ANKRD30A: variants seen among roughly 807,000 people sequenced by gnomAD.
ANKRD30A encodes the protein ankyrin repeat domain 30A.
In ANKRD30A, 170 loss-of-function variants were observed where a neutral mutation model predicts 166.3. That is an observed-to-expected ratio of 1.02 (90% confidence interval 0.90 to 1.16). ANKRD30A has a LOEUF of 1.16. ANKRD30A is among the 50% of genes most tolerant of loss of function. The pLI is 0.00. For missense variants in ANKRD30A, 1,630 were observed against 1,518.0 expected, an observed-to-expected ratio of 1.07 and a Z score of -1.23; for synonymous variants, 564 against 508.9, an observed-to-expected ratio of 1.11 and a Z score of -1.46.
At chr10:37,239,828 G>T in the ANKRD30A span, among the ~76,000 whole-genome samples, 1 of 151,996 alleles carries the variant, frequency 6.6e-6, no homozygotes, top group Non-Finnish European at 1.5e-5. Context: ...TCTCATGTTA[G>T]GTATAGTCTC....
At chr10:37,215,447 C>T (rs534812787) in intron 31 of ANKRD30A, among the ~76,000 whole-genome samples, 1 of 151,438 alleles carries the variant, frequency 6.6e-6, no homozygotes, top group South Asian at 2.1e-4. Context: ...TCTCTCTCCC[C>T]TCCTCAGTGT....
intron 5 of ANKRD30A, among the ~76,000 whole-genome samples, chr10:37,136,023 C>A (rs1277578571): frequency 1.3e-5 from 2 of 152,128 alleles, no homozygotes; most frequent in Non-Finnish European, 1.5e-5. Flanking sequence ...AACTTCTGGG[C>A]TCAAGCAATT....
intron 15 of ANKRD30A, among the ~76,000 whole-genome samples, chr10:37,160,207 C>A (rs1461897183): frequency 6.6e-6 from 1 of 152,198 alleles, no homozygotes. Flanking sequence ...CAGCTGATAT[C>A]ACAGAGCTTT....
At position 37,199,739 on chromosome 10, in the gene ANKRD30A, C is replaced by A; in HGVS notation, c.2729C>A (p.Pro910His). 2 of 1,577,542 alleles carry A rather than the reference C, an allele frequency of 1.3e-6. No individual in the cohort carries two copies. Among genetic ancestry groups the A allele is most frequent in the Admixed American group, 1.7e-5 (1 of 57,894 alleles). The change falls in exon 30 of 36, where the codon CCT (proline) becomes CAT (histidine). Residue 910 changes from proline (P) to histidine (H), a missense_variant. Physicochemically the swap from Pro to His is moderately conservative, Grantham distance 77. Coordinates refer to ENST00000361713, the MANE Select transcript of ANKRD30A (RefSeq NM_052997.3). ...EQTLRADQMF[P>H]SESKQKKVEE... ...TAACCTTTTATAGATCAGATGTTCC[C>A]TTCAGAATCAAAACAAAAGAAGGTT...
intron 7 of ANKRD30A, among the ~76,000 whole-genome samples, chr10:37,143,284 AGATTT>A (rs1410395047): frequency 1.3e-5 from 2 of 152,216 alleles, no homozygotes; most frequent in Admixed American, 6.5e-5. Flanking sequence ...TCACAAGATT[AGATTT>A]GAGTATCAGG....
At chr10:37,248,698 CT>C in the ANKRD30A span, among the ~76,000 whole-genome samples, 1,809 of 137,208 alleles carry the variant, frequency 0.013, 19 homozygotes, top group African/African-American at 0.03. Flanking sequence ...TCACGAGTCA[CT>C]TTTTTTTTTT....
chr10:37,264,875 T>G, the ANKRD30A span, among the ~76,000 whole-genome samples: 1 of 152,144 alleles, frequency 6.6e-6, no homozygotes, highest in African/African-American at 2.4e-5. Context: ...TCAACCTAAA[T>G]CCCCTTACTT....
chr10:37,222,247 C>T (rs1399343896), intron 34 of ANKRD30A, among the ~76,000 whole-genome samples: 1 of 151,190 alleles, frequency 6.6e-6, no homozygotes, highest in Non-Finnish European at 1.5e-5. Context: ...TAGTCATCAC[C>T]ACCGCCCACC....
intron 15 of ANKRD30A, among the ~76,000 whole-genome samples, chr10:37,160,635 C>A (rs953451631): frequency 3.3e-5 from 5 of 152,002 alleles, no homozygotes; most frequent in African/African-American, 1.2e-4. Flanking sequence ...ATAAATCAAA[C>A]AAAATCAAAA....
intron 25 of ANKRD30A, among the ~76,000 whole-genome samples, chr10:37,191,129 T>A (rs576913287): frequency 6.6e-6 from 1 of 151,792 alleles, no homozygotes; most frequent in Non-Finnish European, 1.5e-5. Flanking sequence ...TTAAATGAAA[T>A]ACATCAATAT....
the ANKRD30A span, among the ~76,000 whole-genome samples, chr10:37,246,666 C>A: frequency 1.3e-5 from 2 of 152,154 alleles, no homozygotes; most frequent in African/African-American, 4.8e-5. Flanking sequence ...GCTTTAGTGC[C>A]TGTGGTAGAT....
At chr10:37,228,499 C>T (rs1030862663) in intron 34 of ANKRD30A, among the ~76,000 whole-genome samples, 3 of 151,916 alleles carry the variant, frequency 2.0e-5, no homozygotes, top group Non-Finnish European at 1.5e-5. Flanking sequence ...TACTGCTTAG[C>T]TTTCTGAAGA....
chr10:37,214,540 GTA>G (rs140166249), intron 31 of ANKRD30A, among the ~76,000 whole-genome samples: 2,907 of 139,582 alleles, frequency 0.021, 36 homozygotes, highest in South Asian at 0.049. Flanking sequence ...AGTTTTATAG[GTA>G]TATATATATA....
At position 37,125,612 on chromosome 10, in the gene ANKRD30A, C is replaced by T. The variant is rs772502512; in HGVS notation, c.-176C>T. 3.6e-4 allele frequency among the ~76,000 whole-genome samples: 54 copies of T among 151,918 alleles called. No homozygotes were observed. Among genetic ancestry groups the T allele is most frequent in the Non-Finnish European group, 5.9e-4 (40 of 67,986 alleles). ...TGCTGGCTAACGGCTCTGCTCAGCGCGATTCTACTGAGAGAGGCCTGAGTG... is the reference window on the plus strand; with the variant it reads ...TGCTGGCTAACGGCTCTGCTCAGCGTGATTCTACTGAGAGAGGCCTGAGTG... On this transcript the variant is annotated 5_prime_UTR_variant, in exon 1 of 36. Coordinates refer to ENST00000361713, the MANE Select transcript of ANKRD30A (RefSeq NM_052997.3).
rs182750441 is a variant in ANKRD30A at position 37,192,182 on chromosome 10, C to A, written c.2513-882C>A. Among the ~76,000 whole-genome samples the A allele has an allele frequency of 3.5e-3, 538 of 152,038 alleles. 6 individuals are homozygous for A. Among genetic ancestry groups the A allele is most frequent in the South Asian group, 0.02 (94 of 4,798 alleles). On this transcript the variant is annotated intron_variant, in intron 25 of 35. Coordinates refer to ENST00000361713, the MANE Select transcript of ANKRD30A (RefSeq NM_052997.3). ...CACCCAAGTAGCTGAGATTACAGGC[C>A]TGTGCCACCATACCTGGCTGATTTT...
intron 15 of ANKRD30A, among the ~76,000 whole-genome samples, chr10:37,159,575 C>T (rs530284644): frequency 2.6e-5 from 4 of 152,158 alleles, no homozygotes; most frequent in East Asian, 1.9e-4. Flanking sequence ...ACCATGTGTA[C>T]AATTTGTTTT....
the ANKRD30A span, among the ~76,000 whole-genome samples, chr10:37,262,845 T>G: frequency 6.6e-6 from 1 of 152,062 alleles, no homozygotes; most frequent in Non-Finnish European, 1.5e-5. Context: ...CTAAAAAAAT[T>G]TAATTTCCAT....
the ANKRD30A span, among the ~76,000 whole-genome samples, chr10:37,261,292 CT>C: frequency 6.6e-6 from 1 of 152,248 alleles, no homozygotes; most frequent in African/African-American, 2.4e-5. Context: ...CCTGTATTTT[CT>C]AAACATCTGT....
intron 6 of ANKRD30A, among the ~76,000 whole-genome samples, chr10:37,137,753 C>T (rs908866157): frequency 6.6e-6 from 1 of 152,160 alleles, no homozygotes; most frequent in African/African-American, 2.4e-5. Flanking sequence ...GAGCCCACCG[C>T]AGCTCAAGGA....
Sources: gnomAD v4.1 joint callset for allele counts (sites outside exome capture counted in the v4.1 genomes callset) on GRCh38, gnomAD v4.1.1 for gene constraint, MANE v1.5 for transcripts, NCBI Gene and HGNC (gene_info 2026-07-23, HGNC 2026-07-21) for gene names.